The following PCDH11X variants were observed in gnomAD, a reference collection of about 807,000 sequenced individuals.
The protein encoded by PCDH11X is protocadherin 11 X-linked, also known as protocadherin-11 X-linked.
In PCDH11X, 18 loss-of-function variants were observed where a neutral mutation model predicts 53.3. The ratio of observed to expected loss-of-function variants is 0.34; its 90% CI spans 0.23 to 0.50. The LOEUF (loss-of-function observed/expected upper bound fraction) is 0.50. PCDH11X is among the 20% of genes least tolerant of loss of function. The pLI, the probability that PCDH11X is intolerant of heterozygous loss-of-function variation, is 0.98. For missense variants in PCDH11X, 570 were observed against 1,032.4 expected (o/e 0.55, Z 6.14); for synonymous variants, 279 against 393.3 (o/e 0.71, Z 3.44).
Position 91,869,280 on chromosome X carries a change from T to C in PCDH11X, c.541-7501T>C, listed in dbSNP as rs776671308. ...TTGGGCAGTAATTACCTGATAAGTT[T>C]CTCATACTGAGAGCTCTCCAGAATA... On this transcript the variant is annotated intron_variant, in intron 5 of 10. Transcript: ENST00000682573. 2.7e-3 allele frequency among the ~76,000 whole-genome samples: 301 copies of C among 110,794 alleles called. 1 individual carries two copies. Among genetic ancestry groups the C allele is most frequent in the African/African-American group, 9.4e-3 (286 of 30,323 alleles).
At chrX:91,852,216 T>A (rs1938072461) in intron 5 of PCDH11X, among the ~76,000 whole-genome samples, 2 of 108,006 alleles carry the variant, frequency 1.9e-5, no homozygotes, top group Non-Finnish European at 3.8e-5. Context: ...GGTTTCACCA[T>A]GTTGGCCAGG....
intron 6 of PCDH11X, among the ~76,000 whole-genome samples, chrX:91,935,788 T>A (rs2061437423): frequency 9.3e-6 from 1 of 107,750 alleles, no homozygotes; most frequent in Non-Finnish European, 1.9e-5. Flanking sequence ...TTTACATTGG[T>A]TCAATCTGGA....
chrX:92,179,086 C>A (rs923980551), intron 6 of PCDH11X, among the ~76,000 whole-genome samples: 4 of 111,661 alleles, frequency 3.6e-5, no homozygotes, highest in Non-Finnish European at 7.5e-5. Flanking sequence ...TCATGTTACC[C>A]CATATGCTCA....
chrX:91,883,655 A>T (rs949558049), intron 6 of PCDH11X: 1 of 529,840 alleles, frequency 1.9e-6, no homozygotes, highest in Non-Finnish European at 2.3e-6. Context: ...AATACAAAAA[A>T]TTAGCCTGGC....
intron 6 of PCDH11X, among the ~76,000 whole-genome samples, chrX:91,942,362 A>G (rs2061521700): frequency 9.0e-6 from 1 of 110,996 alleles, no homozygotes. Flanking sequence ...AATATCAACA[A>G]TGAGAGAAGT....
intron 6 of PCDH11X, among the ~76,000 whole-genome samples, chrX:91,954,645 A>C (rs2147877308): frequency 9.0e-6 from 1 of 110,510 alleles, no homozygotes; most frequent in Admixed American, 9.6e-5. Flanking sequence ...TTTTAATAAT[A>C]GCCATTCTGG....
intron 6 of PCDH11X, among the ~76,000 whole-genome samples, chrX:92,060,523 T>G (rs193085824): frequency 1.8e-5 from 2 of 110,081 alleles, no homozygotes; most frequent in Non-Finnish European, 3.8e-5. Flanking sequence ...TGTCTGTTCT[T>G]CTCTTCTTTG....
rs961818217 is a variant in PCDH11X at position 91,876,727 on chromosome X, A to T, written c.541-54A>T. The T allele has an allele frequency of 8.3e-6, 8 of 962,866 alleles. No homozygotes were observed. The Admixed American group carries it at 3.3e-4, about 39-fold the overall frequency. The allele number at this position is 962,866 out of a possible 1,213,427, so 79.4% of individuals were successfully genotyped here. ...TATTTTATTATTCATATTAATATTA[A>T]TATATTAATTTATATTAACATAAGT... On this transcript the variant is annotated intron_variant, in intron 5 of 10. Transcript: ENST00000682573.
intron 10 of PCDH11X, among the ~76,000 whole-genome samples, chrX:92,615,314 G>A (rs1927845010): frequency 9.0e-6 from 1 of 111,105 alleles, no homozygotes; most frequent in Non-Finnish European, 1.9e-5. Flanking sequence ...AAGCAAGTGG[G>A]CGCTCCAGAT....
chrX:91,908,156 C>CA (rs1334033256), intron 6 of PCDH11X, among the ~76,000 whole-genome samples: 3 of 111,382 alleles, frequency 2.7e-5, no homozygotes, highest in Non-Finnish European at 5.7e-5. Flanking sequence ...GCTACAGAAG[C>CA]AAAAATCAAC....
At chrX:92,350,300 A>T (rs1435567441) in intron 8 of PCDH11X, among the ~76,000 whole-genome samples, 1 of 109,096 alleles carries the variant, frequency 9.2e-6, no homozygotes, top group Non-Finnish European at 1.9e-5. Flanking sequence ...CATGTTAAGG[A>T]ACCTTGTTTC....
intron 9 of PCDH11X, among the ~76,000 whole-genome samples, chrX:92,407,085 C>T (rs1443181774): frequency 2.9e-5 from 3 of 102,700 alleles, no homozygotes; most frequent in African/African-American, 1.1e-4. Flanking sequence ...ATTACATATA[C>T]TATACATTAT....
intron 7 of PCDH11X, among the ~76,000 whole-genome samples, chrX:92,246,548 C>T (rs62598486): frequency 0.053 from 5,894 of 110,347 alleles, 210 homozygotes; most frequent in East Asian, 0.23. Context: ...GACGGGGTTT[C>T]GCCATGTTGG....
At chrX:92,198,232 CA>C (rs112132834) in intron 6 of PCDH11X, among the ~76,000 whole-genome samples, 7 of 83,059 alleles carry the variant, frequency 8.4e-5, no homozygotes, top group African/African-American at 8.9e-5. Context: ...ACTGTCTCTA[CA>C]AAAAAAAAAA....
At chrX:91,787,814 A>G (rs982869710) in intron 1 of PCDH11X, among the ~76,000 whole-genome samples, 1 of 109,231 alleles carries the variant, frequency 9.2e-6, no homozygotes, top group African/African-American at 3.3e-5. Context: ...TGAAAAGCTT[A>G]TATTCTAATA....
chrX:92,206,667 C>T (rs911630410), intron 7 of PCDH11X, among the ~76,000 whole-genome samples: 1 of 110,464 alleles, frequency 9.1e-6, no homozygotes, highest in African/African-American at 3.3e-5. Flanking sequence ...GCTGGGATTA[C>T]AGGTGACCAC....
At chrX:92,146,863 G>A (rs2065275319) in intron 6 of PCDH11X, among the ~76,000 whole-genome samples, 1 of 110,067 alleles carries the variant, frequency 9.1e-6, no homozygotes, top group African/African-American at 3.3e-5. Context: ...GCCAGGTGTG[G>A]TTGTCCATGC....
intron 10 of PCDH11X, among the ~76,000 whole-genome samples, chrX:92,526,353 A>G (rs1266849011): frequency 9.2e-6 from 1 of 109,160 alleles, no homozygotes; most frequent in African/African-American, 3.3e-5. Flanking sequence ...CATGTTTACA[A>G]TGGGGAGCCA....
At chrX:92,497,535 T>C (rs1298591022) in intron 10 of PCDH11X, among the ~76,000 whole-genome samples, 1 of 110,335 alleles carries the variant, frequency 9.1e-6, no homozygotes, top group African/African-American at 3.3e-5. Context: ...AATCAATGTT[T>C]GTTGAATTGA....
Sources: gnomAD v4.1 joint callset for allele counts (sites outside exome capture counted in the v4.1 genomes callset) on GRCh38, gnomAD v4.1.1 for gene constraint, MANE v1.5 for transcripts, NCBI Gene and HGNC (gene_info 2026-07-23, HGNC 2026-07-21) for gene names.